Variants in KHDRBS3 observed in about 807,000 individuals in gnomAD.
The protein encoded by KHDRBS3 is KH RNA binding domain containing, signal transduction associated 3.
KHDRBS3 carries 23 observed loss-of-function variants against 45.6 expected under a neutral mutation model. The ratio of observed to expected loss-of-function variants is 0.50; its 90% confidence interval spans 0.36 to 0.72. The LOEUF is 0.72. Ranked by LOEUF, KHDRBS3 falls within the 30% of genes least tolerant of loss-of-function variation. KHDRBS3 has a pLI of 0.00. For missense variants in KHDRBS3, 352 were observed against 424.8 expected (o/e 0.83, Z 1.51); for synonymous variants, 162 against 156.5 (o/e 1.04, Z -0.26).
At chr8:135,469,698 T>G (rs1821911477) in intron 1 of KHDRBS3, among the ~76,000 whole-genome samples, 1 of 152,130 alleles carries the variant, frequency 6.6e-6, no homozygotes, top group African/African-American at 2.4e-5. Context: ...CCAGCTAATT[T>G]TTGTATTTTT....
At chr8:135,639,918 G>C (rs1266708351) in intron 7 of KHDRBS3, among the ~76,000 whole-genome samples, 6 of 152,202 alleles carry the variant, frequency 3.9e-5, no homozygotes, top group Non-Finnish European at 8.8e-5. Context: ...TTCCACATGA[G>C]ATTTGTAGGG....
At chr8:135,581,434 T>C (rs776799665) in intron 5 of KHDRBS3, among the ~76,000 whole-genome samples, 9 of 152,222 alleles carry the variant, frequency 5.9e-5, no homozygotes, top group Non-Finnish European at 1.2e-4. Context: ...AATTTTGGCA[T>C]ATATTTTGGC....
chr8:135,650,042 T>TGAA, downstream of KHDRBS3, among the ~76,000 whole-genome samples: 1 of 152,136 alleles, frequency 6.6e-6, no homozygotes, highest in Non-Finnish European at 1.5e-5. Context: ...AAGAGCACAT[T>TGAA]TCATTGTTCC....
chr8:135,637,608 C>A (rs776741178), intron 7 of KHDRBS3, among the ~76,000 whole-genome samples: 1 of 152,098 alleles, frequency 6.6e-6, no homozygotes. Context: ...CTTCGCCCAC[C>A]CCCACAAACT....
At chr8:135,534,735 G>A (rs930905368) in intron 2 of KHDRBS3, among the ~76,000 whole-genome samples, 4 of 151,970 alleles carry the variant, frequency 2.6e-5, no homozygotes, top group African/African-American at 7.3e-5. Flanking sequence ...TGCCCTTCCC[G>A]GAGTTTGTCT....
chr8:135,506,625 A>G (rs947780869), intron 1 of KHDRBS3, among the ~76,000 whole-genome samples: 1 of 151,990 alleles, frequency 6.6e-6, no homozygotes, highest in African/African-American at 2.4e-5. Context: ...GCTGGTCTCC[A>G]ACTCCTGACC....
chr8:135,574,488 G>A (rs1167045140), intron 5 of KHDRBS3, among the ~76,000 whole-genome samples: 9 of 152,174 alleles, frequency 5.9e-5, no homozygotes, highest in Middle Eastern at 3.2e-3. Context: ...AATGATCGTG[G>A]AAGAGAAGTG....
chr8:135,536,045 A>G (rs1825729961), intron 2 of KHDRBS3, among the ~76,000 whole-genome samples: 1 of 152,026 alleles, frequency 6.6e-6, no homozygotes, highest in Non-Finnish European at 1.5e-5. Context: ...TTTTTTGCAG[A>G]TAAAGCTTTT....
intron 1 of KHDRBS3, among the ~76,000 whole-genome samples, chr8:135,460,828 A>G (rs1821392361): frequency 6.6e-6 from 1 of 152,242 alleles, no homozygotes; most frequent in Admixed American, 6.5e-5. Context: ...TAATCAATGC[A>G]TTATGATAAT....
At chr8:135,634,610 G>C (rs1206525701) in intron 7 of KHDRBS3, among the ~76,000 whole-genome samples, 6 of 152,166 alleles carry the variant, frequency 3.9e-5, no homozygotes, top group Non-Finnish European at 5.9e-5. Context: ...ATGCCAGTTA[G>C]GGAACTGAAG....
intron 6 of KHDRBS3, among the ~76,000 whole-genome samples, chr8:135,584,362 G>A (rs1021943289): frequency 5.3e-5 from 8 of 152,328 alleles, no homozygotes; most frequent in African/African-American, 1.9e-4. Flanking sequence ...TGCTTTCCAG[G>A]TGTGCTTTGG....
intron 4 of KHDRBS3, among the ~76,000 whole-genome samples, chr8:135,654,423 C>T (rs1266968834): frequency 1.3e-5 from 2 of 152,154 alleles, no homozygotes; most frequent in East Asian, 1.9e-4. Context: ...TATCTAAATG[C>T]TACATGTATT....
At chr8:135,461,925 C>T (rs1488727755) in intron 1 of KHDRBS3, among the ~76,000 whole-genome samples, 1 of 152,102 alleles carries the variant, frequency 6.6e-6, no homozygotes, top group African/African-American at 2.4e-5. Context: ...TCAAATATTA[C>T]AATTCTTAGC....
chr8:135,551,291 C>T (rs986738583), intron 4 of KHDRBS3, among the ~76,000 whole-genome samples: 2 of 151,940 alleles, frequency 1.3e-5, no homozygotes, highest in Non-Finnish European at 2.9e-5. Context: ...CATTCCGTTC[C>T]TTATGACACT....
chr8:135,652,075 GTT>G (rs934602320), downstream of KHDRBS3, among the ~76,000 whole-genome samples: 10 of 152,088 alleles, frequency 6.6e-5, no homozygotes, highest in Non-Finnish European at 1.3e-4. Context: ...AAGGAATAAA[GTT>G]TATTTTCTGT....
intron 7 of KHDRBS3, 45 bp downstream of exon 7, chr8:135,607,082 C>T (rs1371677978): frequency 7.0e-7 from 1 of 1,420,846 alleles, no homozygotes; most frequent in African/African-American, 1.4e-5. Context: ...AGAAACCATC[C>T]CCTTCCACAT....
At chr8:135,536,916 C>T (rs978861437) in intron 2 of KHDRBS3, among the ~76,000 whole-genome samples, 14 of 135,184 alleles carry the variant, frequency 1.0e-4, no homozygotes, top group East Asian at 2.2e-4. Context: ...GCCGAGATTG[C>T]GCCACTGCAG....
chr8:135,629,136 G>A (rs934525422), intron 7 of KHDRBS3, among the ~76,000 whole-genome samples: 1 of 152,186 alleles, frequency 6.6e-6, no homozygotes, highest in Non-Finnish European at 1.5e-5. Flanking sequence ...GGGACCAGCT[G>A]TAAAAGACAA....
intron 6 of KHDRBS3, among the ~76,000 whole-genome samples, chr8:135,592,050 G>A (rs1478321108): frequency 2.0e-5 from 3 of 152,124 alleles, no homozygotes; most frequent in Admixed American, 6.5e-5. Context: ...AAAGATGAAG[G>A]TTCTATAATT....
Sources: allele counts gnomAD v4.1 joint callset (sites outside exome capture counted in the v4.1 genomes callset), GRCh38; gene constraint gnomAD v4.1.1; transcripts MANE v1.5; gene names NCBI Gene and HGNC (gene_info 2026-07-23, HGNC 2026-07-21).